The following MBL2 variants were observed in gnomAD, a reference collection of about 807,000 sequenced individuals.
MBL2 encodes the protein mannose binding lectin 2.
A neutral mutation model predicts 12.7 loss-of-function variants in MBL2; 6 were observed. The observed-to-expected ratio is 0.47, with a 90% CI of 0.26 to 0.94. The LOEUF (loss-of-function observed/expected upper bound fraction) is 0.94, where lower values mean the gene tolerates loss of function less well. Among genes scored for constraint, MBL2 ranks in the 40% least tolerant of loss-of-function variants. MBL2 has a pLI of 0.15. For missense variants in MBL2, 307 were observed against 295.2 expected (o/e 1.04, Z -0.29); for synonymous variants, 114 against 112.0 (o/e 1.02, Z -0.11).
At chr10:52,769,384 A>G in intron 3 of MBL2, 69 bp from the exon 4 acceptor site, 1 of 808,566 alleles carries the variant, frequency 1.2e-6, no homozygotes, top group Non-Finnish European at 2.0e-6. Context: ...TATACAAGGG[A>G]GTGGAGTATC....
intron 3 of MBL2, among the ~76,000 whole-genome samples, chr10:52,770,214 T>C (rs1402780513): frequency 6.6e-6 from 1 of 152,222 alleles, no homozygotes; most frequent in East Asian, 1.9e-4. Flanking sequence ...AGCAGAGAAA[T>C]CACATGGCCG....
chr10:52,768,256 C>T lies in MBL2; in HGVS notation c.628G>A (p.Glu210Lys), dbSNP rs74754826. 16 of 1,613,772 alleles carry T rather than the reference C, an allele frequency of 9.9e-6. No homozygotes were observed. Among genetic ancestry groups the T allele is most frequent in the East Asian group, 4.5e-5 (2 of 44,890 alleles). ...GNRLTYTNWN[E>K]GEPNNAGSDE... ...GAACCAGCATTGTTGGGTTCACCCTCGTTCCAGTTTGTGTAGGTCAGTCTA... is the reference window on the plus strand; with the variant it reads ...GAACCAGCATTGTTGGGTTCACCCTTGTTCCAGTTTGTGTAGGTCAGTCTA... The change falls in exon 5 of 5, where the codon GAG (glutamate) becomes AAG (lysine). Residue 210 changes from glutamate to lysine, a missense_variant. Glu to Lys is a moderately conservative substitution (Grantham distance 56). Coordinates refer to ENST00000674931, the MANE Select transcript of MBL2 (RefSeq NM_001378373.1).
rs56254750 is a variant in MBL2 at position 52,768,969 on chromosome 10, C to T, written c.373+278G>A. Among the ~76,000 whole-genome samples, 29 of 152,160 alleles carry T rather than the reference C, an allele frequency of 1.9e-4. No homozygotes were observed. The South Asian group carries it at 6.0e-3, about 32-fold the overall frequency. On this transcript the variant is annotated intron_variant, in intron 4 of 4. Transcript: ENST00000674931. ...AACAAAGGGATATAAGTCCCATTTTCAGTGAGCAATATCAGACGGTAAAGG... is the reference window on the plus strand; with the variant it reads ...AACAAAGGGATATAAGTCCCATTTTTAGTGAGCAATATCAGACGGTAAAGG...
chr10:52,772,648 T>G, intron 1 of MBL2, 89 bp downstream of exon 1: 3 of 438,254 alleles, frequency 6.8e-6, no homozygotes, highest in Non-Finnish European at 9.1e-6. Context: ...CCCCCACCCC[T>G]AGAAAGCCTC....
chr10:52,771,332 T>G, intron 2 of MBL2, 117 bp downstream of exon 2: 1 of 1,137,060 alleles, frequency 8.8e-7, no homozygotes, highest in Non-Finnish European at 1.2e-6. Flanking sequence ...ATCTCTGTTT[T>G]GAGTTACAGT....
intron 3 of MBL2, among the ~76,000 whole-genome samples, chr10:52,770,322 A>G (rs1840371673): frequency 6.6e-6 from 1 of 152,234 alleles, no homozygotes; most frequent in African/African-American, 2.4e-5. Flanking sequence ...CCATGGTTAC[A>G]TGCTTTTGTA....
intron 1 of MBL2, among the ~76,000 whole-genome samples, chr10:52,772,139 C>CTCTTT (rs1840404293): frequency 1.3e-5 from 2 of 152,134 alleles, no homozygotes; most frequent in African/African-American, 2.4e-5. Context: ...CATTGGCAGG[C>CTCTTT]CCTGAGCTGA....
rs1840341908 is a variant in MBL2, at chr10:52,768,493, C to G, written c.391G>C (p.Gly131Arg). 6.3e-7 allele frequency: 1 copy of G among 1,576,258 alleles called. No individual in the cohort carries two copies. Among genetic ancestry groups the G allele is most frequent in the African/African-American group, 1.4e-5 (1 of 73,382 alleles). ...AAGAACTTGTTCCCAACTTGTTTGC[C>G]CAGAGAGAAGGTGAGCCCTAAAATG... ...RIKKWLTFSL[G>R]KQVGNKFFLT... Residue 131 changes from glycine to arginine, a missense_variant, in exon 5 of 5, where the codon GGC becomes CGC. Gly to Arg is a moderately radical substitution (Grantham distance 125). Coordinates refer to ENST00000674931, the MANE Select transcript of MBL2 (RefSeq NM_001378373.1).
chr10:52,769,410 A>C, intron 3 of MBL2, 95 bp from the exon 4 acceptor site: 1 of 671,512 alleles, frequency 1.5e-6, no homozygotes, highest in Non-Finnish European at 2.5e-6. Flanking sequence ...CAAACTGAAA[A>C]AAAAAGCTTA....
rs1840325249 is a variant in MBL2 at position 52,767,543 on chromosome 10, A to G, written c.*594T>C. ...AAAATGTCCCATATCTTAATCTAGA[A>G]AGTGAGTATATAGGTATGTATGTGT... On this transcript the variant is annotated 3_prime_UTR_variant, in exon 5 of 5. Coordinates refer to ENST00000674931, the MANE Select transcript of MBL2 (RefSeq NM_001378373.1). 6.6e-6 allele frequency: 1 copy of G among 151,978 alleles called. No individual in the cohort carries two copies. Among genetic ancestry groups the G allele is most frequent in the Non-Finnish European group, 1.5e-5 (1 of 68,022 alleles). The allele number at this position is 151,978 out of a possible 1,614,324, so 9.4% of individuals were successfully genotyped here.
intron 1 of MBL2, 46 bp from the exon 2 acceptor site, chr10:52,771,690 AC>A (rs1840396179): frequency 3.2e-6 from 5 of 1,566,780 alleles, no homozygotes; most frequent in Non-Finnish European, 4.3e-6. Context: ...GTTAATGAAC[AC>A]ATATTTACCG....
chr10:52,770,762 C>G lies in MBL2; in HGVS notation c.212G>C (p.Gly71Ala), dbSNP rs773731975. 36 of 1,502,708 alleles carry G rather than the reference C, an allele frequency of 2.4e-5. No individual in the cohort carries two copies. The highest frequency in any genetic ancestry group is 1.8e-4 in the Middle Eastern group (1 of 5,560). 93.1% of individuals were successfully genotyped at this position (1,502,708 alleles called of 1,614,324 possible). The change falls in exon 3 of 5, where the codon GGC (glycine) becomes GCC (alanine). Residue 71 changes from glycine to alanine, a missense_variant. Coordinates refer to ENST00000674931, the MANE Select transcript of MBL2 (RefSeq NM_001378373.1). Reference protein sequence around the residue: ...EPGQGLRGLQGPPGKLGPPGN... With the variant: ...EPGQGLRGLQAPPGKLGPPGN... ...TGGAGGCCCCAACTTTCCAGGGGGG[C>G]CCTGTAAGCCTCTGAGCCCTTGGCC...
Position 52,767,714 on chromosome 10 carries a change from T to C in MBL2, c.*423A>G, listed in dbSNP as rs769034186. The C allele has an allele frequency of 6.5e-6, 1 of 153,308 alleles. No individual in the cohort carries two copies. The highest frequency in any genetic ancestry group is 1.4e-5 in the Non-Finnish European group (1 of 69,014). 9.5% of individuals were successfully genotyped at this position (153,308 alleles called of 1,614,324 possible). ...CCTGAAACTTGGTAAAAAGCTGTGG[T>C]ATTAAACTGTGGTGATGTCATTAGG... On this transcript the variant is annotated 3_prime_UTR_variant, in exon 5 of 5. Transcript: ENST00000674931.
chr10:52,769,763 T>C (rs1840363355), intron 3 of MBL2, among the ~76,000 whole-genome samples: 2 of 152,250 alleles, frequency 1.3e-5, no homozygotes, highest in African/African-American at 2.4e-5. Context: ...GTTTTGTTTT[T>C]GTTTTTTCCA....
At position 52,767,447 on chromosome 10, in the gene MBL2, A is replaced by T. The variant is rs1364931804; in HGVS notation, c.*690T>A. The stretch of plus-strand genomic sequence containing the variant: ...AAACAGACGAAATTACTGTGCAGTC[A>T]TGGAGGTCAGAATAGTATTTTCCTA... On this transcript the variant is annotated 3_prime_UTR_variant, in exon 5 of 5. Coordinates refer to ENST00000674931, the MANE Select transcript of MBL2 (RefSeq NM_001378373.1). 6.6e-6 allele frequency: 1 copy of T among 152,004 alleles called. No homozygotes were observed. Among genetic ancestry groups the T allele is most frequent in the African/African-American group, 2.4e-5 (1 of 41,280 alleles). The allele number at this position is 152,004 out of a possible 1,614,324, so 9.4% of individuals were successfully genotyped here.
rs932020712 is a variant in MBL2 at position 52,765,931 on chromosome 10, G to A, written c.*2206C>T. 13 of 151,984 alleles carry A rather than the reference G, an allele frequency of 8.6e-5. No homozygotes were observed. Among genetic ancestry groups the A allele is most frequent in the East Asian group, 3.8e-4 (2 of 5,196 alleles). 9.4% of individuals were successfully genotyped at this position (151,984 alleles called of 1,614,324 possible). ...AAACTTATTGAGTTTACTAAACATCGTAAGACTACACACAAAACTTAACTG... is the reference window on the plus strand; with the variant it reads ...AAACTTATTGAGTTTACTAAACATCATAAGACTACACACAAAACTTAACTG... On this transcript the variant is annotated 3_prime_UTR_variant, in exon 5 of 5. Transcript: ENST00000674931.
chr10:52,772,114 T>C (rs1341443896), intron 1 of MBL2, among the ~76,000 whole-genome samples: 5 of 152,182 alleles, frequency 3.3e-5, no homozygotes. Flanking sequence ...CAGGACCTGT[T>C]AACTATCATT....
chr10:52,770,884 T>C, intron 2 of MBL2, 98 bp from the exon 3 acceptor site: 1 of 581,672 alleles, frequency 1.7e-6, no homozygotes, highest in Non-Finnish European at 2.8e-6. Flanking sequence ...AAAGGAGACC[T>C]TGACCCAGGA....
rs1371328966 is a variant in MBL2, at chr10:52,768,063, T to C, written c.*74A>G. 1 of 1,496,896 alleles carries C rather than the reference T, an allele frequency of 6.7e-7. No homozygotes were observed. The highest frequency in any genetic ancestry group is 2.3e-5 in the East Asian group (1 of 43,848). 92.7% of individuals were successfully genotyped at this position (1,496,896 alleles called of 1,614,324 possible). On this transcript the variant is annotated 3_prime_UTR_variant, in exon 5 of 5. Transcript: ENST00000674931. ...ACTGGATATGAGGAAATTGATATAA[T>C]TTATCTTTTCAAGCATACTGTGGGC... is the stretch of plus-strand genomic sequence containing the variant.
Sources: gnomAD v4.1 joint callset for allele counts (sites outside exome capture counted in the v4.1 genomes callset) on GRCh38, gnomAD v4.1.1 for gene constraint, MANE v1.5 for transcripts, NCBI Gene and HGNC (gene_info 2026-07-23, HGNC 2026-07-21) for gene names.